The following ZMYM6 variants were observed in gnomAD, a reference collection of about 807,000 sequenced individuals.
The protein encoded by ZMYM6 is zinc finger MYM-type protein 6.
ZMYM6 carries 90 observed loss-of-function variants against 134.0 expected under a neutral mutation model. The ratio of observed to expected loss-of-function variants is 0.67; its 90% CI spans 0.57 to 0.80. The LOEUF is 0.80. Ranked by LOEUF, ZMYM6 falls within the 30% of genes least tolerant of loss-of-function variation. The pLI is 0.00. For synonymous variants in ZMYM6, 481 were observed against 524.1 expected, an observed-to-expected ratio of 0.92 and a Z score of 1.12; for missense variants, 1,362 against 1,533.9, an observed-to-expected ratio of 0.89 and a Z score of 1.87.
rs1641504366 is a variant in ZMYM6, at chr1:35,030,655, C to T, written c.-16G>A. ...GTTCTTTCATTCTAATTTTTTACCTCAAAGAGTGTCTCAGGCTCAAACGAA... is the reference window on the plus strand; with the variant it reads ...GTTCTTTCATTCTAATTTTTTACCTTAAAGAGTGTCTCAGGCTCAAACGAA... On this transcript the variant is annotated 5_prime_UTR_variant, in exon 2 of 16. Coordinates refer to ENST00000357182, the MANE Select transcript of ZMYM6 (RefSeq NM_007167.4). 6.2e-7 allele frequency: 1 copy of T among 1,608,818 alleles called. No homozygotes were observed. Among genetic ancestry groups the T allele is most frequent in the East Asian group, 2.2e-5 (1 of 44,868 alleles).
In ZMYM6 at chr1:35,005,125, G is replaced by T; in HGVS notation, c.1954+7C>A. 1 of 1,613,924 alleles carries T rather than the reference G, an allele frequency of 6.2e-7. No homozygotes were observed. Among genetic ancestry groups the T allele is most frequent in the Non-Finnish European group, 8.5e-7 (1 of 1,179,886 alleles). On this transcript the variant is annotated splice_region_variant and intron_variant, in intron 13 of 15. Transcript: ENST00000357182. ...GCTTAGCCAAATGCCATTATATCAA[G>T]TCATACCTTTTAAAACACTGTTAGT...
chr1:35,003,978 A>G lies in ZMYM6; in HGVS notation c.1982T>C (p.Ile661Thr). ...AACAATTAAACTCACATCTTGAATG[A>G]TCTTTGCTGCCTCTTTAGTAACTGC... ...KGAVTKEAAKIIQDESTQEDA... is the reference protein window; with the variant it reads ...KGAVTKEAAKTIQDESTQEDA... The change falls in exon 14 of 16, where the codon ATC becomes ACC. Residue 661 changes from isoleucine to threonine, a missense_variant. Transcript: ENST00000357182. 6.2e-7 allele frequency: 1 copy of G among 1,612,490 alleles called. No homozygotes were observed. Among genetic ancestry groups the G allele is most frequent in the Non-Finnish European group, 8.5e-7 (1 of 1,178,882 alleles).
intron 6 of ZMYM6, chr1:35,013,196 G>T (rs770420149): frequency 7.3e-5 from 51 of 701,598 alleles, no homozygotes; most frequent in Non-Finnish European, 8.0e-5. Context: ...TATATATAGT[G>T]TATCACAGAA....
intron 2 of ZMYM6, among the ~76,000 whole-genome samples, chr1:35,024,961 T>C (rs1392950712): frequency 6.6e-6 from 1 of 152,060 alleles, no homozygotes; most frequent in African/African-American, 2.4e-5. Context: ...CTCCGCCTCC[T>C]GGGTTCAAGT....
chr1:35,017,126 A>G (rs1233760928), intron 4 of ZMYM6: 1 of 152,236 alleles, frequency 6.6e-6, no homozygotes, highest in Non-Finnish European at 1.5e-5. Context: ...CTAGTAGGCA[A>G]TAAAGCTGAA....
intron 14 of ZMYM6, among the ~76,000 whole-genome samples, chr1:35,002,134 TTTTG>T (rs1191993807): frequency 1.3e-5 from 2 of 152,214 alleles, no homozygotes; most frequent in Non-Finnish European, 2.9e-5. Flanking sequence ...TTCCAGTTGC[TTTTG>T]TTCTTCTAAT....
intron 4 of ZMYM6, chr1:35,019,148 G>C: frequency 2.9e-6 from 2 of 682,392 alleles, no homozygotes; most frequent in Non-Finnish European, 4.8e-6. Flanking sequence ...TAAAGTGATA[G>C]AAAACTGGTT....
chr1:35,002,453 TTTCAA>T (rs1640896586), intron 14 of ZMYM6, among the ~76,000 whole-genome samples: 1 of 152,236 alleles, frequency 6.6e-6, no homozygotes, highest in South Asian at 2.1e-4. Context: ...TGTCACCTCT[TTTCAA>T]ATCAAAATGA....
rs760556150 is a variant in ZMYM6 at position 35,027,282 on chromosome 1, G to A, written c.93+3265C>T. ...CAAAGGCCTAAACATGGATGGTTTG[G>A]ATGTCACATTGAAAGATCTTTGCTT... On this transcript the variant is annotated intron_variant, in intron 2 of 15. Transcript: ENST00000357182. Among the ~76,000 whole-genome samples, 5 of 152,308 alleles carry A rather than the reference G, an allele frequency of 3.3e-5. No homozygotes were observed. In the South Asian group the frequency reaches 6.2e-4, roughly 19 times the overall value.
At chr1:34,995,095 A>G (rs1384583184) in intron 14 of ZMYM6, among the ~76,000 whole-genome samples, 1 of 135,894 alleles carries the variant, frequency 7.4e-6, no homozygotes, top group African/African-American at 3.0e-5. Context: ...GTATATATGT[A>G]TGTATATACG....
At chr1:34,991,846 A>G (rs973263879) in intron 15 of ZMYM6, among the ~76,000 whole-genome samples, 13 of 152,184 alleles carry the variant, frequency 8.5e-5, no homozygotes, top group Admixed American at 2.6e-4. Context: ...TTGAAAATCT[A>G]AGGGTAGTGG....
rs1300169792 is a variant in ZMYM6 at position 34,994,836 on chromosome 1, G to A, written c.1993-2449C>T. Among the ~76,000 whole-genome samples the A allele has an allele frequency of 2.0e-5, 3 of 151,010 alleles. No homozygotes were observed. The South Asian group carries it at 6.3e-4, about 32-fold the overall frequency. On this transcript the variant is annotated intron_variant, in intron 14 of 15. Coordinates refer to ENST00000357182, the MANE Select transcript of ZMYM6 (RefSeq NM_007167.4). ...ATACAGTTGTTCCCCCTTATCTGCC[G>A]GGAATATGTTCCAAGACCCCCAGTG...
intron 2 of ZMYM6, among the ~76,000 whole-genome samples, chr1:35,025,030 G>A (rs1044721281): frequency 1.3e-5 from 2 of 152,014 alleles, no homozygotes. Flanking sequence ...CACGAAGCCT[G>A]GCTAATTTTT....
intron 4 of ZMYM6, 76 bp from the exon 5 acceptor site, chr1:35,015,238 T>C: frequency 7.4e-7 from 1 of 1,350,844 alleles, no homozygotes; most frequent in Non-Finnish European, 1.0e-6. Flanking sequence ...TGAGGTGAAA[T>C]AACACTTACT....
chr1:35,011,985 T>G lies in ZMYM6; in HGVS notation c.967A>C (p.Ser323Arg). ...TSSGVQVSCH[S>R]CKTSAIPQYH... Reference sequence around the variant, plus strand: ...TGAGGGATTGCTGAGGTTTTACAACTATGACATGAAACCTGGACACCTTGG... The same window carrying G: ...TGAGGGATTGCTGAGGTTTTACAACGATGACATGAAACCTGGACACCTTGG... The change falls in exon 8 of 16, where the codon AGT (serine) becomes CGT (arginine). Residue 323 changes from serine to arginine, a missense_variant. Coordinates refer to ENST00000357182, the MANE Select transcript of ZMYM6 (RefSeq NM_007167.4). 3 of 1,606,306 alleles carry G rather than the reference T, an allele frequency of 1.9e-6. No homozygotes were observed. The highest frequency in any genetic ancestry group is 2.6e-6 in the Non-Finnish European group (3 of 1,175,378).
At chr1:35,015,588 G>T (rs1044512265) in intron 4 of ZMYM6, among the ~76,000 whole-genome samples, 2 of 151,396 alleles carry the variant, frequency 1.3e-5, no homozygotes, top group Admixed American at 1.3e-4. Context: ...GATGGGCGTG[G>T]TGGTGGGCGC....
At chr1:35,020,830 C>G (rs1263787059) in intron 2 of ZMYM6, among the ~76,000 whole-genome samples, 1 of 152,048 alleles carries the variant, frequency 6.6e-6, no homozygotes, top group East Asian at 1.9e-4. Flanking sequence ...CTCAGCCTCC[C>G]AAAGTGCTGG....
rs998529953 is a variant in ZMYM6 at position 35,011,901 on chromosome 1, C to T, written c.1051G>A (p.Val351Ile). The T allele has an allele frequency of 6.3e-7, 1 of 1,599,460 alleles. No individual in the cohort carries two copies. Among genetic ancestry groups the T allele is most frequent in the African/African-American group, 1.3e-5 (1 of 74,624 alleles). Reference sequence around the variant, plus strand: ...ACCTTAGATCATACCTGGAAAGCAACCACACAACTGGAGCTGCAGAAGCTG... The same window carrying T: ...ACCTTAGATCATACCTGGAAAGCAATCACACAACTGGAGCTGCAGAAGCTG... ...IYSFCSSSCV[V>I]AFQNVFSKPK... Residue 351 changes from valine (V) to isoleucine (I), a missense_variant, in exon 8 of 16, where the codon GTT becomes ATT. This residue lies in a region of ZMYM6 where 503 missense variants were observed against 520.8 expected (regional missense o/e 0.97). Transcript: ENST00000357182.
chr1:35,011,988 G>C lies in ZMYM6; in HGVS notation c.964C>G (p.His322Asp). Reference protein sequence around the residue: ...VTSSGVQVSCHSCKTSAIPQY... With the variant: ...VTSSGVQVSCDSCKTSAIPQY... ...GGGATTGCTGAGGTTTTACAACTAT[G>C]ACATGAAACCTGGACACCTTGGTGA... The change falls in exon 8 of 16, where the codon CAT (histidine) becomes GAT (aspartate). Residue 322 changes from histidine (H) to aspartate (D), a missense_variant. Coordinates refer to ENST00000357182, the MANE Select transcript of ZMYM6 (RefSeq NM_007167.4). 2 of 1,605,312 alleles carry C rather than the reference G, an allele frequency of 1.2e-6. No homozygotes were observed. The highest frequency in any genetic ancestry group is 2.2e-5 in the South Asian group (2 of 89,528).
Sources: gnomAD v4.1 joint callset for allele counts (sites outside exome capture counted in the v4.1 genomes callset) on GRCh38, gnomAD v4.1.1 for gene constraint, gnomAD v4.1.1 regional missense constraint, MANE v1.5 for transcripts, NCBI Gene and HGNC (gene_info 2026-07-23, HGNC 2026-07-21) for gene names.